METTL15: variants seen among roughly 807,000 people sequenced by gnomAD.
The protein encoded by METTL15 is methyltransferase 15, mitochondrial 12S rRNA N4-cytidine.
Under a neutral mutation model 38.3 loss-of-function variants are expected in METTL15, and 34 were observed. That is an observed-to-expected ratio of 0.89 (90% CI 0.68 to 1.18). METTL15 has a LOEUF of 1.18. METTL15 is among the 50% of genes most tolerant of loss of function. The pLI, the probability that METTL15 is intolerant of heterozygous loss-of-function variation, is 0.00. For synonymous variants in METTL15, 162 were observed against 170.9 expected (o/e 0.95, Z 0.41); for missense variants, 438 against 498.4 (o/e 0.88, Z 1.15).
At chr11:28,439,023 C>CAA (rs10713896) in intron 6 of METTL15, among the ~76,000 whole-genome samples, 41 of 149,618 alleles carry the variant, frequency 2.7e-4, no homozygotes, top group Admixed American at 1.0e-3. Flanking sequence ...GTGAAGAATG[C>CAA]AAAAAAAAAA....
At chr11:28,124,001 T>C (rs1355963308) in intron 3 of METTL15, 3 of 645,602 alleles carry the variant, frequency 4.6e-6, no homozygotes, top group Non-Finnish European at 7.0e-6. Context: ...TGAAGCACTT[T>C]TATATATTAT....
intron 4 of METTL15, among the ~76,000 whole-genome samples, chr11:28,288,582 T>G (rs1359099845): frequency 1.3e-5 from 2 of 152,106 alleles, no homozygotes; most frequent in African/African-American, 4.8e-5. Flanking sequence ...AAATACCACA[T>G]GCTCGTGGTT....
chr11:28,319,421 A>G (rs961776663), intron 6 of METTL15, among the ~76,000 whole-genome samples: 1 of 152,062 alleles, frequency 6.6e-6, no homozygotes, highest in Admixed American at 6.6e-5. Flanking sequence ...TAGGACACTG[A>G]AAAAATACAC....
At chr11:28,389,328 C>T (rs1466920120) in intron 5 of METTL15, among the ~76,000 whole-genome samples, 1 of 150,440 alleles carries the variant, frequency 6.6e-6, no homozygotes, top group African/African-American at 2.4e-5. Flanking sequence ...TGTGCTGCAC[C>T]CATTAACTCG....
At chr11:28,364,494 G>A (rs780245562) in intron 5 of METTL15, among the ~76,000 whole-genome samples, 1 of 152,016 alleles carries the variant, frequency 6.6e-6, no homozygotes, top group Non-Finnish European at 1.5e-5. Context: ...AACATTATTG[G>A]TGTATAAAAA....
intron 4 of METTL15, among the ~76,000 whole-genome samples, chr11:28,225,346 G>A (rs926575048): frequency 3.0e-4 from 46 of 151,794 alleles, no homozygotes; most frequent in African/African-American, 1.0e-3. Context: ...AATTGATTAC[G>A]TCTTTAAGTA....
At chr11:28,299,562 A>G (rs1272085441) in intron 6 of METTL15, among the ~76,000 whole-genome samples, 1 of 152,126 alleles carries the variant, frequency 6.6e-6, no homozygotes, top group Non-Finnish European at 1.5e-5. Context: ...GTATAGAAAT[A>G]CCAGAGAATC....
chr11:28,501,225 A>G (rs1360282853), intron 6 of METTL15, among the ~76,000 whole-genome samples: 3 of 152,176 alleles, frequency 2.0e-5, no homozygotes, highest in East Asian at 3.9e-4. Flanking sequence ...TACCTTTAGA[A>G]TTGAATATCA....
chr11:28,521,312 C>T (rs926928330), intron 6 of METTL15, among the ~76,000 whole-genome samples: 3 of 152,060 alleles, frequency 2.0e-5, no homozygotes, highest in African/African-American at 4.8e-5. Context: ...TCCGAATGCC[C>T]GAAGGGATGG....
At chr11:28,208,469 G>T (rs1003938472) in intron 3 of METTL15, among the ~76,000 whole-genome samples, 1 of 152,066 alleles carries the variant, frequency 6.6e-6, no homozygotes, top group South Asian at 2.1e-4. Flanking sequence ...ACTGTGGTCC[G>T]AGAGACAGTT....
intron 6 of METTL15, among the ~76,000 whole-genome samples, chr11:28,301,453 G>T (rs1856910939): frequency 6.6e-6 from 1 of 151,850 alleles, no homozygotes; most frequent in Non-Finnish European, 1.5e-5. Flanking sequence ...GTATCTTATT[G>T]CTTGCTTACT....
intron 4 of METTL15, among the ~76,000 whole-genome samples, chr11:28,228,403 C>G (rs1234064858): frequency 6.6e-6 from 1 of 151,934 alleles, no homozygotes; most frequent in Non-Finnish European, 1.5e-5. Context: ...GAAATAATAA[C>G]ATTACATACT....
downstream of METTL15, among the ~76,000 whole-genome samples, chr11:28,337,271 A>T (rs1247036054): frequency 1.3e-5 from 2 of 151,878 alleles, no homozygotes; most frequent in Non-Finnish European, 2.9e-5. Context: ...TTTAATTTTA[A>T]TTTTTTTTAA....
At chr11:28,366,725 G>A (rs1009915149) in intron 5 of METTL15, among the ~76,000 whole-genome samples, 5 of 152,140 alleles carry the variant, frequency 3.3e-5, no homozygotes, top group African/African-American at 7.2e-5. Flanking sequence ...AGGAATGAAG[G>A]TGGGGCTAAA....
intron 5 of METTL15, among the ~76,000 whole-genome samples, chr11:28,412,108 G>T (rs1478630097): frequency 6.6e-6 from 1 of 151,986 alleles, no homozygotes; most frequent in Non-Finnish European, 1.5e-5. Context: ...GTTAATGAGG[G>T]TATGGAGAAA....
At chr11:28,183,461 G>T (rs1031818699) in intron 3 of METTL15, among the ~76,000 whole-genome samples, 3 of 151,978 alleles carry the variant, frequency 2.0e-5, no homozygotes, top group Admixed American at 6.6e-5. Context: ...AGAGTTTTTA[G>T]CATGAAAGGC....
At chr11:28,206,181 C>G (rs2133829226) in intron 3 of METTL15, among the ~76,000 whole-genome samples, 2 of 151,282 alleles carry the variant, frequency 1.3e-5, no homozygotes, top group East Asian at 3.9e-4. Context: ...AAATCCTTAG[C>G]CATGCCTATG....
chr11:28,244,905 C>T lies in METTL15; in HGVS notation c.407+33707C>T, dbSNP rs533990092. 1.8e-3 allele frequency among the ~76,000 whole-genome samples: 275 copies of T among 152,208 alleles called. 1 individual carries two copies. Among genetic ancestry groups the T allele is most frequent in the Middle Eastern group, 3.4e-3 (1 of 294 alleles). On this transcript the variant is annotated intron_variant, in intron 4 of 6. Transcript: ENST00000407364. ...ATCCTGTCTTTTCTCTTTTTCCTTT[C>T]TTCTGATATTTTGGTAATATCTTCT... is the stretch of plus-strand genomic sequence containing the variant.
intron 3 of METTL15, among the ~76,000 whole-genome samples, chr11:28,194,117 G>C (rs1026998715): frequency 1.8e-4 from 10 of 55,612 alleles, no homozygotes; most frequent in Admixed American, 6.1e-4. Flanking sequence ...TTGCTTTGAT[G>C]GTTGATCTTT....
Sources: allele counts gnomAD v4.1 joint callset (sites outside exome capture counted in the v4.1 genomes callset), GRCh38; gene constraint gnomAD v4.1.1; transcripts MANE v1.5; gene names NCBI Gene and HGNC (gene_info 2026-07-23, HGNC 2026-07-21).